ACLY: variants seen among roughly 807,000 people sequenced by gnomAD.
ACLY encodes ATP citrate lyase, also known as ATP-citrate synthase.
Under a neutral mutation model 133.0 loss-of-function variants are expected in ACLY, and 41 were observed. That is an observed-to-expected ratio of 0.31 (90% confidence interval 0.24 to 0.40). The LOEUF is 0.40. Ranked by LOEUF, ACLY falls within the 10% of genes least tolerant of loss-of-function variation. The pLI is 1.00. For synonymous variants in ACLY, 495 were observed against 549.3 expected, an observed-to-expected ratio of 0.90 and a Z score of 1.38; for missense variants, 1,046 against 1,453.8, an observed-to-expected ratio of 0.72 and a Z score of 4.56.
intron 14 of ACLY, among the ~76,000 whole-genome samples, chr17:41,894,617 A>G (rs774522044): frequency 6.6e-6 from 1 of 151,964 alleles, no homozygotes; most frequent in Non-Finnish European, 1.5e-5. Context: ...GCACGCCTGT[A>G]CCAAAATATC....
intron 20 of ACLY, among the ~76,000 whole-genome samples, chr17:41,879,998 G>T (rs2048874465): frequency 6.6e-6 from 1 of 152,144 alleles, no homozygotes; most frequent in Non-Finnish European, 1.5e-5. Flanking sequence ...CCAAGCTGCT[G>T]GGATTACAGG....
intron 20 of ACLY, among the ~76,000 whole-genome samples, chr17:41,882,785 TCA>T (rs2048953870): frequency 2.6e-5 from 4 of 152,254 alleles, no homozygotes; most frequent in Non-Finnish European, 5.9e-5. Flanking sequence ...GGCCTCCCTT[TCA>T]TCAGCAAAGC....
At chr17:41,878,274 A>C (rs2048814547) in intron 21 of ACLY, 78 bp from the exon 22 acceptor site, 3 of 941,054 alleles carry the variant, frequency 3.2e-6, no homozygotes, top group Non-Finnish European at 4.6e-6. Context: ...AGAATGCTCT[A>C]TCTAACCCAA....
rs575003535 is a variant in ACLY, at chr17:41,895,822, T to C, written c.1459+798A>G. Among the ~76,000 whole-genome samples the C allele has an allele frequency of 2.0e-5, 3 of 152,252 alleles. No individual in the cohort carries two copies. In the East Asian group the frequency reaches 5.8e-4, roughly 29 times the overall value. Reference sequence around the variant, plus strand: ...TGCCAATTACTCCTTCCCCTCCCCTTAGCAAGGGGACAACAAAGACTTCCC... The same window carrying C: ...TGCCAATTACTCCTTCCCCTCCCCTCAGCAAGGGGACAACAAAGACTTCCC... On this transcript the variant is annotated intron_variant, in intron 14 of 28. Transcript: ENST00000352035.
intron 14 of ACLY, among the ~76,000 whole-genome samples, chr17:41,893,673 G>A (rs1289195475): frequency 5.3e-5 from 8 of 152,226 alleles, no homozygotes; most frequent in African/African-American, 9.7e-5. Flanking sequence ...GTTTGAATCA[G>A]CATGAATTCT....
In ACLY at chr17:41,872,238, T is replaced by C. The variant is rs111590979; in HGVS notation, c.2643-56A>G. 505 of 1,531,680 alleles carry C rather than the reference T, an allele frequency of 3.3e-4. No individual in the cohort carries two copies. The African/African-American group carries it at 6.0e-3, about 18-fold the overall frequency. 94.9% of individuals were successfully genotyped at this position (1,531,680 alleles called of 1,614,324 possible). A position where few individuals can be genotyped will look rare whatever the true frequency, so the allele number is the denominator to read the frequency against. On this transcript the variant is annotated intron_variant, in intron 23 of 28. Transcript: ENST00000352035. ...GGTCGACAAGGCCATGCTCGTACTTTCCCCCATCTCCCTAAACAAGTCATT... is the reference window on the plus strand; with the variant it reads ...GGTCGACAAGGCCATGCTCGTACTTCCCCCCATCTCCCTAAACAAGTCATT...
intron 3 of ACLY, among the ~76,000 whole-genome samples, chr17:41,911,913 G>A (rs1159417509): frequency 1.3e-5 from 2 of 152,068 alleles, no homozygotes; most frequent in East Asian, 1.9e-4. Context: ...TCAGGAGTTC[G>A]AGACCAGCCT....
chr17:41,925,130 G>A (rs1413855655), intron 1 of ACLY, among the ~76,000 whole-genome samples: 4 of 151,696 alleles, frequency 2.6e-5, no homozygotes, highest in Non-Finnish European at 5.9e-5. Flanking sequence ...CTGCCTTCTG[G>A]GTTCAAGCGA....
intron 6 of ACLY, among the ~76,000 whole-genome samples, chr17:41,908,433 C>T (rs1555633045): frequency 6.6e-6 from 1 of 152,226 alleles, no homozygotes. Context: ...GAAAGCCTGA[C>T]CTGGCGGGAG....
chr17:41,924,723 G>A (rs2050221838), intron 1 of ACLY, among the ~76,000 whole-genome samples: 1 of 152,174 alleles, frequency 6.6e-6, no homozygotes, highest in Admixed American at 6.5e-5. Flanking sequence ...CTGCCACCAG[G>A]GAAGCTGGAG....
Position 41,873,472 on chromosome 17 carries a change from C to T in ACLY, c.2642+339G>A, listed in dbSNP as rs538566735. Among the ~76,000 whole-genome samples the T allele has an allele frequency of 6.6e-5, 10 of 152,274 alleles. No individual in the cohort carries two copies. The East Asian group carries it at 1.7e-3, about 26-fold the overall frequency. On this transcript the variant is annotated intron_variant, in intron 23 of 28. Coordinates refer to ENST00000352035, the MANE Select transcript of ACLY (RefSeq NM_001096.3). ...CTGGGATGACAGGCGTGAGCCACCG[C>T]GCCTAGCCCATAAGGTACTTTCTAT...
chr17:41,884,316 G>T, intron 18 of ACLY, 42 bp from the exon 19 acceptor site: 2 of 1,356,666 alleles, frequency 1.5e-6, no homozygotes, highest in Non-Finnish European at 2.1e-6. Flanking sequence ...ATCAGGAGGA[G>T]GCCTGGGGAA....
chr17:41,900,069 C>CAAAAAAAAAAA (rs60296550), intron 11 of ACLY, among the ~76,000 whole-genome samples: 5 of 46,630 alleles, frequency 1.1e-4, no homozygotes, highest in South Asian at 1.5e-3. Context: ...ACCCTGTCTC[C>CAAAAAAAAAAA]AAAAAAAAAA....
chr17:41,892,554 G>A (rs2049244039), intron 15 of ACLY, 107 bp from the exon 16 acceptor site: 4 of 1,020,682 alleles, frequency 3.9e-6, no homozygotes, highest in Non-Finnish European at 5.8e-6. Flanking sequence ...GGCATGGTCT[G>A]TGCCCTCAAA....
chr17:41,894,341 C>T (rs2049300945), intron 14 of ACLY, among the ~76,000 whole-genome samples: 1 of 140,358 alleles, frequency 7.1e-6, no homozygotes, highest in South Asian at 2.3e-4. Context: ...CGCACCACTG[C>T]ACTCCAGCTT....
rs376129214 is a variant in ACLY, at chr17:41,884,284, G to A, written c.2073-10C>T. On this transcript the variant is annotated splice_polypyrimidine_tract_variant and intron_variant, in intron 18 of 28. Coordinates refer to ENST00000352035, the MANE Select transcript of ACLY (RefSeq NM_001096.3). Reference sequence around the variant, plus strand: ...TGTGGAGCCCGGGTACCTGTTGAGAGCAGGGAGTATCAGGATACAGGATCA... The same window carrying A: ...TGTGGAGCCCGGGTACCTGTTGAGAACAGGGAGTATCAGGATACAGGATCA... 1.3e-5 allele frequency: 20 copies of A among 1,586,270 alleles called. No individual in the cohort carries two copies. The highest frequency in any genetic ancestry group is 1.6e-5 in the Non-Finnish European group (19 of 1,154,720).
At chr17:41,879,412 CCTT>C (rs1416529257) in intron 20 of ACLY, among the ~76,000 whole-genome samples, 2 of 145,082 alleles carry the variant, frequency 1.4e-5, no homozygotes, top group Non-Finnish European at 3.0e-5. Flanking sequence ...GCCCCCCCCG[CCTT>C]TTTTTTTTTT....
chr17:41,891,432 T>C (rs1555629257), intron 16 of ACLY, among the ~76,000 whole-genome samples: 1 of 152,140 alleles, frequency 6.6e-6, no homozygotes, highest in Admixed American at 6.6e-5. Context: ...ATTTAGAGTC[T>C]CACTCTGCTG....
At position 41,875,974 on chromosome 17, in the gene ACLY, C is replaced by T. The variant is rs573432123; in HGVS notation, c.2488-2009G>A. 6.0e-5 allele frequency among the ~76,000 whole-genome samples: 9 copies of T among 150,872 alleles called. No individual in the cohort carries two copies. The East Asian group carries it at 1.8e-3, about 30-fold the overall frequency. On this transcript the variant is annotated intron_variant, in intron 22 of 28. Transcript: ENST00000352035. ...AAAGTGAGGAGCGTCTCTGCCCGGC[C>T]GCTATCCCATCTAGGAAGTGAGGAG...
Sources: gnomAD v4.1 joint callset for allele counts (sites outside exome capture counted in the v4.1 genomes callset) on GRCh38, gnomAD v4.1.1 for gene constraint, MANE v1.5 for transcripts, NCBI Gene and HGNC (gene_info 2026-07-23, HGNC 2026-07-21) for gene names.